The following GRIA1 variants were observed in gnomAD, a reference collection of about 807,000 sequenced individuals.
GRIA1 encodes the protein glutamate receptor 1.
In GRIA1, 31 loss-of-function variants were observed where a neutral mutation model predicts 99.2. The ratio of observed to expected loss-of-function variants is 0.31; its 90% CI spans 0.23 to 0.42. The LOEUF (loss-of-function observed/expected upper bound fraction) is 0.42. Ranked by LOEUF, GRIA1 falls within the 10% of genes least tolerant of loss-of-function variation. GRIA1 has a pLI of 1.00. For synonymous variants in GRIA1, 438 were observed against 432.4 expected (o/e 1.01, Z -0.16); for missense variants, 782 against 1,157.5 (o/e 0.68, Z 4.71).
At chr5:153,765,775 G>A (rs1763476810) in intron 12 of GRIA1, among the ~76,000 whole-genome samples, 1 of 152,188 alleles carries the variant, frequency 6.6e-6, no homozygotes, top group Non-Finnish European at 1.5e-5. Flanking sequence ...CCTGTGCTAA[G>A]CACACCCTAC....
chr5:153,619,777 C>T (rs915892716), intron 2 of GRIA1, among the ~76,000 whole-genome samples: 8 of 152,152 alleles, frequency 5.3e-5, no homozygotes, highest in Non-Finnish European at 1.0e-4. Context: ...TTTCTGGCCT[C>T]TTAAAATCTG....
chr5:153,674,411 C>G, intron 5 of GRIA1, 89 bp from the exon 6 acceptor site: 1 of 1,433,346 alleles, frequency 7.0e-7, no homozygotes, highest in Non-Finnish European at 9.7e-7. Flanking sequence ...TCTGGTGGAA[C>G]TGAATGGAAA....
Position 153,647,103 on chromosome 5 carries a change from C to T in GRIA1, c.396C>T (p.Ala132=), listed in dbSNP as rs1443980986. Residue 132 remains alanine, a synonymous_variant, in exon 3 of 16, where the codon GCC becomes GCT. Transcript: ENST00000285900. ...AGCTGCGCCCTGAACTGCAGGATGC[C>T]CTCATCAGCATCATTGACCATTACA... ...VLQLRPELQD[A]LISIIDHYKW... is the part of the protein sequence containing the mutation. The T allele has an allele frequency of 3.1e-6, 5 of 1,613,658 alleles. No individual in the cohort carries two copies. Among genetic ancestry groups the T allele is most frequent in the African/African-American group, 1.3e-5 (1 of 74,832 alleles).
At position 153,495,345 on chromosome 5, in the gene GRIA1, T is replaced by C. The variant is rs114520798; in HGVS notation, c.220+1280T>C. ...GCTTTGCAGAGTACTAGACATTATCTTCCTTTTAGAGATGAGAAAACTGAG... is the reference window on the plus strand; with the variant it reads ...GCTTTGCAGAGTACTAGACATTATCCTCCTTTTAGAGATGAGAAAACTGAG... On this transcript the variant is annotated intron_variant, in intron 2 of 15. Transcript: ENST00000285900. 4.0e-3 allele frequency among the ~76,000 whole-genome samples: 609 copies of C among 152,332 alleles called. 3 individuals carry two copies. The highest frequency in any genetic ancestry group is 0.014 in the African/African-American group (588 of 41,578).
intron 11 of GRIA1, among the ~76,000 whole-genome samples, chr5:153,724,187 T>C (rs953542820): frequency 2.0e-5 from 3 of 152,168 alleles, no homozygotes; most frequent in Admixed American, 1.3e-4. Flanking sequence ...CTGAGGGTCC[T>C]GTCTCTTAGA....
intron 2 of GRIA1, among the ~76,000 whole-genome samples, chr5:153,571,186 A>G (rs1762086797): frequency 6.6e-6 from 1 of 152,198 alleles, no homozygotes; most frequent in African/African-American, 2.4e-5. Context: ...AACCTCCTCC[A>G]AGTTCTGATG....
intron 2 of GRIA1, among the ~76,000 whole-genome samples, chr5:153,579,896 C>CAA (rs375002542): frequency 0.018 from 2,674 of 145,330 alleles, 84 homozygotes; most frequent in African/African-American, 0.065. Flanking sequence ...AACAAACAAA[C>CAA]AAAAAAAAAA....
intron 2 of GRIA1, among the ~76,000 whole-genome samples, chr5:153,564,038 T>C (rs1761395932): frequency 6.6e-6 from 1 of 152,208 alleles, no homozygotes; most frequent in Admixed American, 6.5e-5. Context: ...TAACCGCTTG[T>C]TGAAGGGTGT....
In GRIA1 at chr5:153,573,483, A is replaced by G. The variant is rs183088313; in HGVS notation, c.221-73445A>G. Among the ~76,000 whole-genome samples, 43 of 152,298 alleles carry G rather than the reference A, an allele frequency of 2.8e-4. No homozygotes were observed. The East Asian group carries it at 3.7e-3, about 13-fold the overall frequency. On this transcript the variant is annotated intron_variant, in intron 2 of 15. Coordinates refer to ENST00000285900, the MANE Select transcript of GRIA1 (RefSeq NM_000827.4). Reference sequence around the variant, plus strand: ...CTGATACATGTTGGCTGCAATCATTATTAGTAACAGTATTATCATCATCAT... The same window carrying G: ...CTGATACATGTTGGCTGCAATCATTGTTAGTAACAGTATTATCATCATCAT...
chr5:153,796,497 T>C (rs1765654774), intron 14 of GRIA1, among the ~76,000 whole-genome samples: 1 of 152,216 alleles, frequency 6.6e-6, no homozygotes, highest in Admixed American at 6.5e-5. Context: ...AACTGAGGGC[T>C]GCTGCTTCTT....
intron 11 of GRIA1, among the ~76,000 whole-genome samples, chr5:153,712,455 T>C (rs1759380049): frequency 6.6e-6 from 1 of 152,202 alleles, no homozygotes; most frequent in African/African-American, 2.4e-5. Context: ...ACATACAAGT[T>C]TCATAGTAAC....
At chr5:153,539,170 A>G (rs1212196015) in intron 2 of GRIA1, among the ~76,000 whole-genome samples, 1 of 152,224 alleles carries the variant, frequency 6.6e-6, no homozygotes, top group Admixed American at 6.5e-5. Context: ...TTTAACAAAC[A>G]TATTTTAATT....
In GRIA1 at chr5:153,514,856, T is replaced by A. The variant is rs927235893; in HGVS notation, c.220+20791T>A. On this transcript the variant is annotated intron_variant, in intron 2 of 15. Coordinates refer to ENST00000285900, the MANE Select transcript of GRIA1 (RefSeq NM_000827.4). The stretch of plus-strand genomic sequence containing the variant: ...AATGGACAACAGATATATAAAAAAA[T>A]GTTCCACATCATTAATCATCAGGAA... 3.9e-5 allele frequency among the ~76,000 whole-genome samples: 6 copies of A among 152,092 alleles called. No individual in the cohort carries two copies. In the East Asian group the frequency reaches 9.6e-4, roughly 24 times the overall value.
chr5:153,757,898 C>G (rs539912829), intron 11 of GRIA1, among the ~76,000 whole-genome samples: 5 of 152,196 alleles, frequency 3.3e-5, no homozygotes, highest in African/African-American at 1.2e-4. Flanking sequence ...TACAGACATT[C>G]ACAATATTCT....
intron 10 of GRIA1, among the ~76,000 whole-genome samples, chr5:153,705,293 G>A (rs1758808039): frequency 6.6e-6 from 1 of 152,146 alleles, no homozygotes; most frequent in African/African-American, 2.4e-5. Flanking sequence ...CGGGACCTGG[G>A]TCACCTGCTT....
intron 11 of GRIA1, among the ~76,000 whole-genome samples, chr5:153,712,639 G>C (rs1183100607): frequency 7.7e-6 from 1 of 129,736 alleles, no homozygotes; most frequent in African/African-American, 3.0e-5. Context: ...TAAATATTGA[G>C]GCAAGTTGAT....
At position 153,698,994 on chromosome 5, in the gene GRIA1, T is replaced by C; in HGVS notation, c.1373T>C (p.Ile458Thr). 2 of 1,613,796 alleles carry C rather than the reference T, an allele frequency of 1.2e-6. No individual in the cohort carries two copies. Among genetic ancestry groups the C allele is most frequent in the Non-Finnish European group, 1.7e-6 (2 of 1,179,878 alleles). Residue 458 changes from isoleucine (I) to threonine (T), a missense_variant, in exon 10 of 16, where the codon ATT becomes ACT. By Grantham distance (89) the Ile-to-Thr change is moderately conservative. Transcript: ENST00000285900. ...KHVGYSYRLE[I>T]VSDGKYGARD... ...GTGGGCTACTCCTACCGTCTGGAGA[T>C]TGTCAGTGATGGAAAATACGGAGCC...
intron 11 of GRIA1, among the ~76,000 whole-genome samples, chr5:153,729,081 G>T (rs1195915230): frequency 1.3e-5 from 2 of 150,278 alleles, no homozygotes; most frequent in African/African-American, 4.9e-5. Flanking sequence ...CGTGTCCTTT[G>T]TAGGGACGTG....
intron 2 of GRIA1, among the ~76,000 whole-genome samples, chr5:153,576,306 G>T (rs1762525468): frequency 6.6e-6 from 1 of 152,214 alleles, no homozygotes; most frequent in Non-Finnish European, 1.5e-5. Flanking sequence ...ATTAGGAAAT[G>T]CTTCCTTGGG....
Sources: allele counts gnomAD v4.1 joint callset (sites outside exome capture counted in the v4.1 genomes callset), GRCh38; gene constraint gnomAD v4.1.1; transcripts MANE v1.5; gene names NCBI Gene and HGNC (gene_info 2026-07-23, HGNC 2026-07-21).